Variants in DDRGK1 observed in about 807,000 individuals in gnomAD.
DDRGK1 encodes DDRGK domain-containing protein 1.
Under a neutral mutation model 45.8 loss-of-function variants are expected in DDRGK1, and 38 were observed. That is an observed-to-expected ratio of 0.83 (90% CI 0.64 to 1.09). The LOEUF (loss-of-function observed/expected upper bound fraction) is 1.09. Among genes scored for constraint, DDRGK1 ranks in the 50% least tolerant of loss-of-function variants. The pLI, the probability that DDRGK1 is intolerant of heterozygous loss-of-function variation, is 0.00. For missense variants in DDRGK1, 403 were observed against 419.9 expected, an observed-to-expected ratio of 0.96 and a Z score of 0.35; for synonymous variants, 171 against 168.7, an observed-to-expected ratio of 1.01 and a Z score of -0.11.
chr20:3,197,387 A>G (rs548765085), intron 4 of DDRGK1, among the ~76,000 whole-genome samples: 4 of 152,302 alleles, frequency 2.6e-5, no homozygotes, highest in African/African-American at 9.6e-5. Context: ...GAAATACGGG[A>G]AGAGGGGAAA....
rs1600472551 is a variant in DDRGK1, at chr20:3,195,311, C to T, written c.553G>A (p.Glu185Lys). The T allele has an allele frequency of 1.2e-6, 2 of 1,612,222 alleles. No individual in the cohort carries two copies. The highest frequency in any genetic ancestry group is 2.2e-5 in the East Asian group (1 of 44,864). ...RKAREEQAQREHEEYLKLKEA... is the reference protein window; with the variant it reads ...RKAREEQAQRKHEEYLKLKEA... ...TTCAGTTTCAGGTACTCCTCATGCT[C>T]CCGCTGGGCCTGCTCCTCGCGGGCC... Residue 185 changes from glutamate to lysine, a missense_variant, in exon 5 of 9, where the codon GAG (glutamate) becomes AAG (lysine). By Grantham distance (56) the Glu-to-Lys change is moderately conservative. Transcript: ENST00000354488.
chr20:3,191,820 TGCTA>T lies in DDRGK1; in HGVS notation c.673-3_673del. The T allele has an allele frequency of 6.2e-7, 1 of 1,606,768 alleles. No homozygotes were observed. The highest frequency in any genetic ancestry group is 8.5e-7 in the Non-Finnish European group (1 of 1,176,692). On this transcript the variant is annotated splice_acceptor_variant and splice_polypyrimidine_tract_variant and coding_sequence_variant and intron_variant, in exon 7 of 9. Transcript: ENST00000354488. LOFTEE classifies it high-confidence loss of function. ...GTCTTCCAAGAGCACAACCTTGGACTGCTACAAAAAGAAGGAGGAAAAGAAAGAG... is the reference window on the plus strand; with the variant it reads ...GTCTTCCAAGAGCACAACCTTGGACTCAAAAAGAAGGAGGAAAAGAAAGAG...
intron 3 of DDRGK1, 70 bp from the exon 4 acceptor site, chr20:3,200,172 T>C: frequency 6.4e-7 from 1 of 1,553,888 alleles, no homozygotes. Context: ...CCAGACAGAC[T>C]AGGGAAGGCA....
intron 2 of DDRGK1, among the ~76,000 whole-genome samples, chr20:3,201,058 T>G (rs2067036438): frequency 6.7e-6 from 1 of 148,332 alleles, no homozygotes; most frequent in Non-Finnish European, 1.5e-5. Flanking sequence ...TGCAGTGAGC[T>G]GAGATCACGC....
chr20:3,191,475 C>T, intron 7 of DDRGK1: 1 of 662,704 alleles, frequency 1.5e-6, no homozygotes, highest in Non-Finnish European at 2.7e-6. Flanking sequence ...ATGTTTGCAA[C>T]ACAGGCTGGT....
At chr20:3,198,979 C>A (rs1224867768) in intron 4 of DDRGK1, among the ~76,000 whole-genome samples, 21 of 115,094 alleles carry the variant, frequency 1.8e-4, no homozygotes, top group South Asian at 3.1e-4. Flanking sequence ...CAATCTCTAC[C>A]AAAAAAAAAA....
chr20:3,196,039 G>A (rs2067008482), intron 4 of DDRGK1, among the ~76,000 whole-genome samples: 1 of 152,012 alleles, frequency 6.6e-6, no homozygotes. Flanking sequence ...CCTCGCCCAT[G>A]CCCAAAGCAT....
At chr20:3,198,111 A>AG (rs2067019712) in intron 4 of DDRGK1, among the ~76,000 whole-genome samples, 1 of 147,724 alleles carries the variant, frequency 6.8e-6, no homozygotes, top group African/African-American at 2.5e-5. Context: ...AAAAAAAAAA[A>AG]AAAAAAAAAA....
chr20:3,204,294 G>C (rs898308690), intron 1 of DDRGK1, among the ~76,000 whole-genome samples: 2 of 152,200 alleles, frequency 1.3e-5, no homozygotes, highest in Non-Finnish European at 2.9e-5. Context: ...GGAGTTCCCG[G>C]GGGTGAAGAG....
At chr20:3,195,593 G>A (rs573117843) in intron 4 of DDRGK1, among the ~76,000 whole-genome samples, 4 of 152,104 alleles carry the variant, frequency 2.6e-5, no homozygotes, top group African/African-American at 7.2e-5. Flanking sequence ...CCCGCCCTCC[G>A]TGCTCAGGGG....
chr20:3,192,150 C>T (rs1275187191), intron 6 of DDRGK1, among the ~76,000 whole-genome samples: 1 of 151,970 alleles, frequency 6.6e-6, no homozygotes, highest in Non-Finnish European at 1.5e-5. Context: ...GCACAGCAGC[C>T]ACCATCCTCT....
chr20:3,203,191 C>T, intron 2 of DDRGK1, 22 bp downstream of exon 2: 3 of 1,530,910 alleles, frequency 2.0e-6, no homozygotes, highest in Non-Finnish European at 2.6e-6. Flanking sequence ...ACCCTCTCCC[C>T]ACCAGGCTGG....
At position 3,203,325 on chromosome 20, in the gene DDRGK1, T is replaced by A. The variant is rs770460288; in HGVS notation, c.183A>T (p.Gly61=). 1.9e-6 allele frequency: 3 copies of A among 1,608,962 alleles called. No individual in the cohort carries two copies. Among genetic ancestry groups the A allele is most frequent in the Non-Finnish European group, 2.5e-6 (3 of 1,177,520 alleles). Residue 61 remains glycine (G), a synonymous_variant, in exon 2 of 9, where the codon GGA becomes GGT. Transcript: ENST00000354488. ...GPLEPEEPRA[G]GRPRRRRDLG... is the part of the protein sequence containing the mutation. ...GGTCCCTCCGGCGCCGAGGCCTGCC[T>A]CCAGCTCTCGGCTCCTCAGGCTCCA...
chr20:3,203,634 C>A (rs1444130798), intron 1 of DDRGK1, among the ~76,000 whole-genome samples: 1 of 152,240 alleles, frequency 6.6e-6, no homozygotes, highest in East Asian at 1.9e-4. Context: ...TGTGTGAATA[C>A]TCCTCTCCCC....
intron 5 of DDRGK1, 121 bp from the exon 6 acceptor site, chr20:3,194,989 G>T (rs963570025): frequency 7.1e-6 from 10 of 1,406,114 alleles, no homozygotes; most frequent in African/African-American, 1.4e-5. Context: ...CCTTTGGCCC[G>T]CCCAACCACC....
chr20:3,201,287 CAA>C (rs60867959), intron 2 of DDRGK1, among the ~76,000 whole-genome samples: 7,635 of 94,284 alleles, frequency 0.081, 632 homozygotes, highest in African/African-American at 0.25. Context: ...GACTCTGTCT[CAA>C]AAAAAAAAAA....
At chr20:3,201,388 G>A (rs1246161783) in intron 2 of DDRGK1, among the ~76,000 whole-genome samples, 2 of 150,502 alleles carry the variant, frequency 1.3e-5, no homozygotes, top group African/African-American at 4.9e-5. Flanking sequence ...GAACCCAGCA[G>A]GCAGAGCTTG....
intron 4 of DDRGK1, among the ~76,000 whole-genome samples, chr20:3,198,836 A>C (rs776521612): frequency 6.8e-6 from 1 of 146,826 alleles, no homozygotes; most frequent in African/African-American, 2.5e-5. Context: ...TACTGGGAAA[A>C]AACAAATAAA....
At chr20:3,199,940 T>A (rs1600475895) in intron 4 of DDRGK1, 61 bp downstream of exon 4, 1 of 1,477,102 alleles carries the variant, frequency 6.8e-7, no homozygotes, top group Non-Finnish European at 9.0e-7. Flanking sequence ...GGGAGCTGCA[T>A]AAGAAGCAAG....
Sources: gnomAD v4.1 joint callset for allele counts (sites outside exome capture counted in the v4.1 genomes callset) on GRCh38, gnomAD v4.1.1 for gene constraint, MANE v1.5 for transcripts, NCBI Gene and HGNC (gene_info 2026-07-23, HGNC 2026-07-21) for gene names.